MAPKAPK3: variants seen among roughly 807,000 people sequenced by gnomAD.
MAPKAPK3 encodes MAPK activated protein kinase 3.
MAPKAPK3 carries 35 observed loss-of-function variants against 49.2 expected under a neutral mutation model. That is an observed-to-expected ratio of 0.71 (90% CI 0.54 to 0.94). MAPKAPK3 has a LOEUF of 0.94. MAPKAPK3 is among the 40% of genes least tolerant of loss of function. MAPKAPK3 has a pLI of 0.00. For missense variants in MAPKAPK3, 398 were observed against 493.1 expected, an observed-to-expected ratio of 0.81 and a Z score of 1.83; for synonymous variants, 178 against 188.7, an observed-to-expected ratio of 0.94 and a Z score of 0.46.
At chr3:50,616,963 C>T (rs2032478933), upstream of MAPKAPK3, among the ~76,000 whole-genome samples, 2 of 152,072 alleles carry the variant, frequency 1.3e-5, no homozygotes, top group Admixed American at 6.5e-5. Flanking sequence ...ACCGCCCCCT[C>T]GGGAAGCCAC....
upstream of MAPKAPK3, among the ~76,000 whole-genome samples, chr3:50,616,958 C>T (rs552059229): frequency 1.7e-4 from 26 of 152,106 alleles, no homozygotes; most frequent in African/African-American, 5.5e-4. Context: ...AAGTAACCGC[C>T]CCCTCGGGAA....
Position 50,648,121 on chromosome 3 carries a change from G to A in MAPKAPK3, c.*75G>A. On this transcript the variant is annotated 3_prime_UTR_variant, in exon 11 of 11. Coordinates refer to ENST00000621469, the MANE Select transcript of MAPKAPK3 (RefSeq NM_001243925.2). ...AAATGTGCTCAGGCCCTGGCCAGGAGGGCCCAGGGTCATTCTTTTAACAAA... is the reference window on the plus strand; with the variant it reads ...AAATGTGCTCAGGCCCTGGCCAGGAAGGCCCAGGGTCATTCTTTTAACAAA... The A allele has an allele frequency of 1.4e-6, 2 of 1,435,976 alleles. No individual in the cohort carries two copies. The highest frequency in any genetic ancestry group is 1.3e-5 in the South Asian group (1 of 75,910). The allele number at this position is 1,435,976 out of a possible 1,614,324, so 89.0% of individuals were successfully genotyped here. A position where few individuals can be genotyped will look rare whatever the true frequency, so the allele number is the denominator to read the frequency against.
At chr3:50,622,077 T>C (rs1193091261) in intron 2 of MAPKAPK3, among the ~76,000 whole-genome samples, 1 of 152,230 alleles carries the variant, frequency 6.6e-6, no homozygotes, top group Non-Finnish European at 1.5e-5. Context: ...GGCTGCTGCC[T>C]CTGGGACAGT....
intron 2 of MAPKAPK3, among the ~76,000 whole-genome samples, chr3:50,632,319 G>A (rs1318518916): frequency 6.6e-6 from 1 of 152,188 alleles, no homozygotes; most frequent in Non-Finnish European, 1.5e-5. Context: ...AAGACTTCCA[G>A]GAAGCTCAGA....
intron 2 of MAPKAPK3, among the ~76,000 whole-genome samples, chr3:50,626,083 C>CT (rs1023621731): frequency 6.6e-6 from 1 of 151,754 alleles, no homozygotes; most frequent in Non-Finnish European, 1.5e-5. Flanking sequence ...CCCCGCCACC[C>CT]CCCCATGGCT....
exon 1 of MAPKAPK3, chr3:50,611,933 G>A (rs562779385): frequency 1.4e-4 from 60 of 439,578 alleles, no homozygotes; most frequent in Non-Finnish European, 2.3e-4. Context: ...GCCCGGGCGG[G>A]GTGCGCGGGC....
intron 9 of MAPKAPK3, 30 bp downstream of exon 9, chr3:50,646,855 G>C (rs913259467): frequency 2.5e-5 from 40 of 1,609,480 alleles, no homozygotes; most frequent in Non-Finnish European, 3.4e-5. Flanking sequence ...ATGGCAGGCA[G>C]GGTGTCCAAC....
At chr3:50,640,242 T>C (rs2033144536) in intron 2 of MAPKAPK3, 124 bp from the exon 3 acceptor site, 4 of 944,960 alleles carry the variant, frequency 4.2e-6, no homozygotes, top group African/African-American at 3.3e-5. Flanking sequence ...CAAATTCTCA[T>C]TCTGCTCCTT....
chr3:50,617,404 C>T, intron 1 of MAPKAPK3, 110 bp from the exon 2 acceptor site: 1 of 583,674 alleles, frequency 1.7e-6, no homozygotes. Flanking sequence ...GGCCGTTCGT[C>T]CCGCACTCCC....
chr3:50,648,839 A>C lies in MAPKAPK3; in HGVS notation c.*793A>C, dbSNP rs1299984105. The C allele has an allele frequency of 6.6e-6, 1 of 152,262 alleles. No homozygotes were observed. The highest frequency in any genetic ancestry group is 1.5e-5 in the Non-Finnish European group (1 of 68,048). 9.4% of individuals were successfully genotyped at this position (152,262 alleles called of 1,614,324 possible). ...AAATGTCACTGTGACAAAAGCCAGC[A>C]TACTTTCCCTGCACCCATCTGCTCA... On this transcript the variant is annotated 3_prime_UTR_variant, in exon 11 of 11. Transcript: ENST00000621469.
At position 50,620,411 on chromosome 3, in the gene MAPKAPK3, A is replaced by G. The variant is rs534668272; in HGVS notation, c.219+2627A>G. ...CCTGGTGATGTACTCCAGGTTAACCAGGGTGGCCTGTCCTCATCTTATAAC... is the reference window on the plus strand; with the variant it reads ...CCTGGTGATGTACTCCAGGTTAACCGGGGTGGCCTGTCCTCATCTTATAAC... On this transcript the variant is annotated intron_variant, in intron 2 of 10. Coordinates refer to ENST00000621469, the MANE Select transcript of MAPKAPK3 (RefSeq NM_001243925.2). Among the ~76,000 whole-genome samples the G allele has an allele frequency of 9.2e-5, 14 of 152,298 alleles. No individual in the cohort carries two copies. In the East Asian group the frequency reaches 2.5e-3, roughly 27 times the overall value.
upstream of MAPKAPK3, among the ~76,000 whole-genome samples, chr3:50,614,714 T>A (rs1300456910): frequency 6.6e-6 from 1 of 152,078 alleles, no homozygotes. Flanking sequence ...CTGCAGGTGG[T>A]TGCTGGAACA....
intron 2 of MAPKAPK3, among the ~76,000 whole-genome samples, chr3:50,627,604 G>A (rs1449297583): frequency 1.3e-5 from 2 of 152,172 alleles, no homozygotes; most frequent in African/African-American, 4.8e-5. Flanking sequence ...GCAGGCCCAG[G>A]AGAGGGGGAG....
At chr3:50,629,110 C>T (rs973602534) in intron 2 of MAPKAPK3, among the ~76,000 whole-genome samples, 2 of 152,170 alleles carry the variant, frequency 1.3e-5, no homozygotes, top group Non-Finnish European at 2.9e-5. Flanking sequence ...GCCACCCTCT[C>T]TCCACCCTGG....
intron 6 of MAPKAPK3, among the ~76,000 whole-genome samples, chr3:50,645,331 C>A (rs2107601264): frequency 6.6e-6 from 1 of 152,284 alleles, no homozygotes; most frequent in African/African-American, 2.4e-5. Flanking sequence ...TCTTCCTTGC[C>A]TGTGACCTAG....
upstream of MAPKAPK3, among the ~76,000 whole-genome samples, chr3:50,615,915 T>C (rs975406564): frequency 3.3e-5 from 5 of 152,248 alleles, no homozygotes; most frequent in African/African-American, 1.2e-4. Context: ...CAGAAGATCA[T>C]CTTTCCAAGA....
intron 2 of MAPKAPK3, among the ~76,000 whole-genome samples, chr3:50,630,417 G>C (rs2032875023): frequency 6.6e-6 from 1 of 152,246 alleles, no homozygotes; most frequent in African/African-American, 2.4e-5. Flanking sequence ...AAAGAACTCT[G>C]ACTCAGTGGT....
chr3:50,645,872 A>T, intron 7 of MAPKAPK3, 87 bp downstream of exon 7: 1 of 997,850 alleles, frequency 1.0e-6, no homozygotes, highest in South Asian at 1.4e-5. Flanking sequence ...CCCCACCCCC[A>T]TGTCCTTGGT....
At chr3:50,626,400 C>G (rs972339171) in intron 2 of MAPKAPK3, among the ~76,000 whole-genome samples, 4 of 152,168 alleles carry the variant, frequency 2.6e-5, no homozygotes, top group Non-Finnish European at 5.9e-5. Context: ...ACTCAAGACT[C>G]TCTAGCTGGC....
Sources: gnomAD v4.1 joint callset for allele counts (sites outside exome capture counted in the v4.1 genomes callset) on GRCh38, gnomAD v4.1.1 for gene constraint, MANE v1.5 for transcripts, NCBI Gene and HGNC (gene_info 2026-07-23, HGNC 2026-07-21) for gene names.